The following KANK1 variants were observed in gnomAD, a reference collection of about 807,000 sequenced individuals.
KANK1 encodes KN motif and ankyrin repeat domain-containing protein 1.
Under a neutral mutation model 106.2 loss-of-function variants are expected in KANK1, and 109 were observed. The observed-to-expected ratio is 1.03, with a 90% confidence interval of 0.88 to 1.20. The LOEUF is 1.20. Ranked by LOEUF, KANK1 falls within the 50% of genes most tolerant of loss-of-function variation. The probability of loss-of-function intolerance (pLI) is 0.00; values close to 1 mark genes in which losing one functional copy is unlikely to be tolerated. For synonymous variants in KANK1, 873 were observed against 652.2 expected (o/e 1.34, Z -5.16); for missense variants, 2,399 against 1,710.7 (o/e 1.40, Z -7.10).
intron 1 of KANK1, among the ~76,000 whole-genome samples, chr9:513,216 A>G (rs1431200084): frequency 2.6e-5 from 4 of 152,184 alleles, no homozygotes; most frequent in African/African-American, 9.7e-5. Context: ...TTTCTTCCCT[A>G]CACTTAGCAT....
At chr9:530,323 T>G (rs1339245899) in intron 1 of KANK1, among the ~76,000 whole-genome samples, 1 of 152,208 alleles carries the variant, frequency 6.6e-6, no homozygotes, top group Non-Finnish European at 1.5e-5. Flanking sequence ...TTTTAAAATG[T>G]CCAGGGTTTC....
chr9:545,475 G>A (rs763606223), intron 1 of KANK1, among the ~76,000 whole-genome samples: 2 of 152,144 alleles, frequency 1.3e-5, no homozygotes, highest in Admixed American at 6.5e-5. Context: ...AGTTAGAGGT[G>A]GGGGAGCAGA....
chr9:591,357 C>G (rs1461710645), intron 1 of KANK1, among the ~76,000 whole-genome samples: 1 of 151,714 alleles, frequency 6.6e-6, no homozygotes, highest in African/African-American at 2.4e-5. Flanking sequence ...ATTGTCAGTT[C>G]TTTACATAGC....
At chr9:558,786 C>G (rs1021303176) in intron 1 of KANK1, 7 of 151,512 alleles carry the variant, frequency 4.6e-5, no homozygotes, top group South Asian at 2.1e-4. Context: ...TTGGCTTCAG[C>G]TGGGTACATG....
rs141194618 is a variant in KANK1, at chr9:711,089, T to A, written c.323T>A (p.Ile108Lys). The change falls in exon 3 of 12, where the codon ATA becomes AAA. Residue 108 changes from isoleucine to lysine, a missense_variant. Transcript: ENST00000382297. The part of the protein sequence containing the change: ...DDNKQCPNFL[I>K]ARSQVTSTPI... ...AACAAGCAGTGCCCCAACTTCCTCATAGCCAGAAGTCAAGTTACATCAACT... is the reference window on the plus strand; with the variant it reads ...AACAAGCAGTGCCCCAACTTCCTCAAAGCCAGAAGTCAAGTTACATCAACT... 7 of 1,614,044 alleles carry A rather than the reference T, an allele frequency of 4.3e-6. No individual in the cohort carries two copies. Among genetic ancestry groups the A allele is most frequent in the Non-Finnish European group, 5.1e-6 (6 of 1,180,046 alleles).
chr9:729,582 G>A (rs568095534), intron 3 of KANK1, among the ~76,000 whole-genome samples: 7 of 152,194 alleles, frequency 4.6e-5, no homozygotes, highest in Admixed American at 2.0e-4. Flanking sequence ...ATGAAGTTGC[G>A]GGGGTCAGCC....
At chr9:733,261 A>T (rs1171602555) in intron 6 of KANK1, 1 of 152,252 alleles carries the variant, frequency 6.6e-6, no homozygotes, top group Admixed American at 6.5e-5. Flanking sequence ...AAAAGGTGGA[A>T]ACTTCAGTAT....
At chr9:744,868 C>T in intron 11 of KANK1, 2 of 1,412,362 alleles carry the variant, frequency 1.4e-6, no homozygotes, top group South Asian at 1.5e-5. Context: ...GATAGCAGCC[C>T]CTGAGCCCAT....
intron 1 of KANK1, among the ~76,000 whole-genome samples, chr9:661,207 G>T (rs1843226008): frequency 6.6e-6 from 1 of 152,060 alleles, no homozygotes; most frequent in South Asian, 2.1e-4. Context: ...CATGTGCCAT[G>T]TTGGTGTGCT....
At chr9:744,207 A>C (rs1333852480) in intron 10 of KANK1, among the ~76,000 whole-genome samples, 2 of 150,546 alleles carry the variant, frequency 1.3e-5, no homozygotes, top group African/African-American at 4.8e-5. Context: ...AGAAAAAAAA[A>C]CTTTCTATCC....
intron 1 of KANK1, among the ~76,000 whole-genome samples, chr9:583,348 T>G (rs1443883479): frequency 3.9e-5 from 6 of 152,190 alleles, no homozygotes; most frequent in African/African-American, 9.7e-5. Context: ...ATACGGGACC[T>G]TATTAAGTCC....
At chr9:671,322 C>T (rs917353216) in intron 1 of KANK1, among the ~76,000 whole-genome samples, 2 of 151,730 alleles carry the variant, frequency 1.3e-5, no homozygotes, top group Non-Finnish European at 2.9e-5. Flanking sequence ...ATAATCAAGC[C>T]TGCTCTAGTA....
chr9:640,407 T>G (rs956153981), intron 1 of KANK1, among the ~76,000 whole-genome samples: 2 of 151,854 alleles, frequency 1.3e-5, no homozygotes, highest in Admixed American at 1.3e-4. Flanking sequence ...AGCTAATTTT[T>G]TTTTTTTTTA....
At chr9:587,169 A>G (rs755152349) in intron 1 of KANK1, among the ~76,000 whole-genome samples, 8 of 152,162 alleles carry the variant, frequency 5.3e-5, no homozygotes, top group Non-Finnish European at 8.8e-5. Context: ...CTTTATAACT[A>G]TCATGAAGTT....
intron 1 of KANK1, among the ~76,000 whole-genome samples, chr9:543,555 G>C (rs1321342716): frequency 2.9e-5 from 3 of 102,282 alleles, no homozygotes; most frequent in South Asian, 3.2e-4. Flanking sequence ...GTGAAACTCT[G>C]TCTCAAAAAA....
intron 1 of KANK1, among the ~76,000 whole-genome samples, chr9:586,502 C>CTTTTAT (rs1823504870): frequency 6.6e-6 from 1 of 152,082 alleles, no homozygotes; most frequent in Non-Finnish European, 1.5e-5. Context: ...GTGGTGGTGA[C>CTTTTAT]TGTTAGTGGA....
At chr9:565,016 G>T (rs776077239) in intron 1 of KANK1, among the ~76,000 whole-genome samples, 1 of 152,198 alleles carries the variant, frequency 6.6e-6, no homozygotes, top group Non-Finnish European at 1.5e-5. Context: ...CTGGAATGGT[G>T]ACTGCTTTCA....
At chr9:581,014 G>A (rs1821977497) in intron 1 of KANK1, among the ~76,000 whole-genome samples, 1 of 151,942 alleles carries the variant, frequency 6.6e-6, no homozygotes, top group South Asian at 2.1e-4. Flanking sequence ...GCTGGCTGGA[G>A]TGCTAAGCCC....
chr9:576,926 T>G (rs1820714695), intron 1 of KANK1, among the ~76,000 whole-genome samples: 1 of 152,224 alleles, frequency 6.6e-6, no homozygotes, highest in Non-Finnish European at 1.5e-5. Flanking sequence ...AATGAAGCCA[T>G]AGACCCTCAC....
Sources: allele counts gnomAD v4.1 joint callset (sites outside exome capture counted in the v4.1 genomes callset), GRCh38; gene constraint gnomAD v4.1.1; transcripts MANE v1.5; gene names NCBI Gene and HGNC (gene_info 2026-07-23, HGNC 2026-07-21).